HDX: variants seen among roughly 807,000 people sequenced by gnomAD.
HDX encodes the protein chromosome X open reading frame 43.
A neutral mutation model predicts 45.2 loss-of-function variants in HDX; 19 were observed. That is an observed-to-expected ratio of 0.42 (90% CI 0.29 to 0.62). The LOEUF (loss-of-function observed/expected upper bound fraction) is 0.62. Among genes scored for constraint, HDX ranks in the 20% least tolerant of loss-of-function variants. The probability of loss-of-function intolerance (pLI) is 0.20; values close to 1 mark genes in which losing one functional copy is unlikely to be tolerated. For missense variants in HDX, 532 were observed against 493.9 expected, an observed-to-expected ratio of 1.08 and a Z score of -0.73; for synonymous variants, 188 against 172.8, an observed-to-expected ratio of 1.09 and a Z score of -0.69.
intron 5 of HDX, among the ~76,000 whole-genome samples, chrX:84,437,626 G>A (rs1401883400): frequency 9.0e-6 from 1 of 110,775 alleles, no homozygotes; most frequent in Non-Finnish European, 1.9e-5. Context: ...GACAGAAGGA[G>A]CTGATCTAGA....
At chrX:84,432,451 T>C (rs2039526504) in intron 5 of HDX, among the ~76,000 whole-genome samples, 1 of 112,152 alleles carries the variant, frequency 8.9e-6, no homozygotes, top group South Asian at 3.7e-4. Context: ...TATGGATTCT[T>C]CCTATCCATG....
chrX:84,484,304 T>G (rs921945487), intron 2 of HDX, among the ~76,000 whole-genome samples: 3 of 111,086 alleles, frequency 2.7e-5, no homozygotes, highest in African/African-American at 6.6e-5. Flanking sequence ...AATGAAAGAG[T>G]TTTAAGTGAC....
At chrX:84,351,837 GA>G (rs1250811184) in intron 6 of HDX, among the ~76,000 whole-genome samples, 2 of 111,551 alleles carry the variant, frequency 1.8e-5, no homozygotes, top group African/African-American at 6.5e-5. Context: ...GAAGAATAGG[GA>G]AAATTATGTC....
intron 2 of HDX, among the ~76,000 whole-genome samples, chrX:84,478,488 A>T (rs1406639039): frequency 8.9e-6 from 1 of 111,994 alleles, no homozygotes; most frequent in African/African-American, 3.2e-5. Flanking sequence ...TCGATGCCAT[A>T]CTTAAAACCA....
At chrX:84,351,176 C>A (rs1443512513) in intron 6 of HDX, among the ~76,000 whole-genome samples, 1 of 110,337 alleles carries the variant, frequency 9.1e-6, no homozygotes, top group African/African-American at 3.3e-5. Flanking sequence ...AGCCCAGGAG[C>A]TCCAGTAGGC....
intron 9 of HDX, among the ~76,000 whole-genome samples, chrX:84,328,101 C>T (rs967594524): frequency 4.5e-5 from 5 of 111,243 alleles, no homozygotes; most frequent in African/African-American, 1.6e-4. Flanking sequence ...TACGGGGATG[C>T]ATTATTGTGC....
chrX:84,477,491 A>G (rs1202109943), intron 2 of HDX, among the ~76,000 whole-genome samples: 1 of 111,897 alleles, frequency 8.9e-6, no homozygotes, highest in Admixed American at 9.5e-5. Context: ...GGATACTGCA[A>G]CTCTGACAAT....
At chrX:84,453,380 C>T (rs886598908) in intron 4 of HDX, among the ~76,000 whole-genome samples, 13 of 111,428 alleles carry the variant, frequency 1.2e-4, no homozygotes, top group African/African-American at 3.9e-4. Flanking sequence ...CAGCAGGATC[C>T]ATGTGGTGCA....
In HDX at chrX:84,361,502, C is replaced by T. The variant is rs753746449; in HGVS notation, c.1416G>A (p.Val472=). The T allele has an allele frequency of 1.1e-5, 13 of 1,207,673 alleles. No individual in the cohort carries two copies. The South Asian group carries it at 2.1e-4, about 20-fold the overall frequency. The part of the protein sequence containing the change: ...GSVCREKIEA[V]ATELNVDCEI... ...CACAGTCAACATTTAATTCAGTTGCCACAGCTTCAATTTTCTCTCTACAAA... is the reference window on the plus strand; with the variant it reads ...CACAGTCAACATTTAATTCAGTTGCTACAGCTTCAATTTTCTCTCTACAAA... The change falls in exon 6 of 11, where the codon GTG becomes GTA. Residue 472 remains valine (V), a synonymous_variant. Transcript: ENST00000373177.
At chrX:84,363,733 G>GA (rs951180794) in intron 5 of HDX, among the ~76,000 whole-genome samples, 4 of 111,003 alleles carry the variant, frequency 3.6e-5, no homozygotes, top group South Asian at 3.7e-4. Flanking sequence ...TTTAGAGAAG[G>GA]AAAAAAAAGT....
At chrX:84,325,338 A>G (rs2036685781) in intron 10 of HDX, among the ~76,000 whole-genome samples, 2 of 111,496 alleles carry the variant, frequency 1.8e-5, no homozygotes, top group Admixed American at 1.9e-4. Flanking sequence ...TTGATGAATA[A>G]AAACCTCTGA....
intron 9 of HDX, among the ~76,000 whole-genome samples, chrX:84,327,783 G>T (rs1458043246): frequency 9.0e-6 from 1 of 111,042 alleles, no homozygotes; most frequent in East Asian, 2.8e-4. Context: ...TTAAAAAAAA[G>T]AAAACTTTTA....
At chrX:84,385,624 T>C (rs1392033321) in intron 5 of HDX, among the ~76,000 whole-genome samples, 1 of 110,376 alleles carries the variant, frequency 9.1e-6, no homozygotes, top group Admixed American at 9.7e-5. Flanking sequence ...GATTTGTAAA[T>C]GGGATTGTGT....
At chrX:84,326,041 G>A in intron 10 of HDX, 137 bp downstream of exon 10, 1 of 589,844 alleles carries the variant, frequency 1.7e-6, no homozygotes, top group Admixed American at 3.2e-5. Flanking sequence ...TGTTTGCAAA[G>A]GTCATGAAAT....
At chrX:84,373,084 C>T (rs2037939327) in intron 5 of HDX, among the ~76,000 whole-genome samples, 1 of 111,186 alleles carries the variant, frequency 9.0e-6, no homozygotes, top group African/African-American at 3.3e-5. Flanking sequence ...CTGATGTTTT[C>T]AGAATAGATT....
rs1010780634 is a variant in HDX at position 84,402,609 on chromosome X, T to G, written c.1305+37923A>C. 2.2e-4 allele frequency among the ~76,000 whole-genome samples: 25 copies of G among 111,287 alleles called. 1 individual carries two copies. In the Admixed American group the frequency reaches 2.3e-3, roughly 10 times the overall value. On this transcript the variant is annotated intron_variant, in intron 5 of 10. Transcript: ENST00000373177. Reference sequence around the variant, plus strand: ...ACATCGTGGTTGTTTCCATCTCCTGTTTTTTTTATAATTATGTGTAAAGCT... The same window carrying G: ...ACATCGTGGTTGTTTCCATCTCCTGGTTTTTTTATAATTATGTGTAAAGCT...
At position 84,326,161 on chromosome X, in the gene HDX, T is replaced by A. The variant is rs771748259; in HGVS notation, c.1947+17A>T. ...GACTTGATACATTGCAGCTTACTAGTCTTTCCTGGGACCTACCTGCTGTTG... is the reference window on the plus strand; with the variant it reads ...GACTTGATACATTGCAGCTTACTAGACTTTCCTGGGACCTACCTGCTGTTG... On this transcript the variant is annotated intron_variant, in intron 10 of 10. Transcript: ENST00000373177. 1.7e-6 allele frequency: 2 copies of A among 1,205,557 alleles called. No individual in the cohort carries two copies. The highest frequency in any genetic ancestry group is 4.4e-5 in the Admixed American group (2 of 45,703).
chrX:84,391,018 A>G (rs993299920), intron 5 of HDX, among the ~76,000 whole-genome samples: 3 of 111,904 alleles, frequency 2.7e-5, no homozygotes, highest in African/African-American at 9.7e-5. Flanking sequence ...GTTGCTAACT[A>G]TAGTCATCCC....
intron 4 of HDX, among the ~76,000 whole-genome samples, chrX:84,442,281 C>A (rs184104409): frequency 4.5e-5 from 5 of 110,828 alleles, no homozygotes; most frequent in African/African-American, 1.6e-4. Flanking sequence ...TAGTATTATG[C>A]CTATTGACAA....
Sources: allele counts gnomAD v4.1 joint callset (sites outside exome capture counted in the v4.1 genomes callset), GRCh38; gene constraint gnomAD v4.1.1; transcripts MANE v1.5; gene names NCBI Gene and HGNC (gene_info 2026-07-23, HGNC 2026-07-21).